CLVS1: variants seen among roughly 807,000 people sequenced by gnomAD.
CLVS1 encodes clavesin-1.
Under a neutral mutation model 33.1 loss-of-function variants are expected in CLVS1, and 10 were observed. The ratio of observed to expected loss-of-function variants is 0.30; its 90% CI spans 0.19 to 0.51. CLVS1 has a LOEUF of 0.51. CLVS1 is among the 20% of genes least tolerant of loss of function. The pLI is 0.97. For missense variants in CLVS1, 343 were observed against 433.4 expected, an observed-to-expected ratio of 0.79 and a Z score of 1.85; for synonymous variants, 163 against 166.1, an observed-to-expected ratio of 0.98 and a Z score of 0.14.
At chr8:61,433,849 G>A (rs749092971) in intron 3 of CLVS1, among the ~76,000 whole-genome samples, 54 of 152,238 alleles carry the variant, frequency 3.5e-4, no homozygotes, top group Admixed American at 1.5e-3. Context: ...AGGAAGTGGA[G>A]GTTGCAGTGA....
intron 2 of CLVS1, among the ~76,000 whole-genome samples, chr8:61,151,221 G>A (rs1051683564): frequency 4.6e-5 from 7 of 152,164 alleles, no homozygotes; most frequent in African/African-American, 1.7e-4. Context: ...TGAAAGGTAG[G>A]TACTGAAGTC....
rs141610702 is a variant in CLVS1, at chr8:61,123,698, A to C, written c.-242-8072A>C. Reference sequence around the variant, plus strand: ...GTCATTCTTTTGTGGAGTTTTGTACATTTCAGGTCAGTCGGTGTGCATGGA... The same window carrying C: ...GTCATTCTTTTGTGGAGTTTTGTACCTTTCAGGTCAGTCGGTGTGCATGGA... On this transcript the variant is annotated intron_variant, in intron 1 of 2. Transcript: ENST00000522621. Among the ~76,000 whole-genome samples the C allele has an allele frequency of 3.2e-3, 480 of 152,282 alleles. 3 individuals are homozygous for C. Among genetic ancestry groups the C allele is most frequent in the African/African-American group, 0.01 (423 of 41,554 alleles).
chr8:61,360,902 A>AT (rs1208135651), intron 2 of CLVS1, among the ~76,000 whole-genome samples: 6 of 152,212 alleles, frequency 3.9e-5, no homozygotes. Flanking sequence ...TAGATAATTT[A>AT]TTTAAAAAAA....
chr8:61,185,387 C>G (rs1461805952), intron 2 of CLVS1, among the ~76,000 whole-genome samples: 1 of 150,488 alleles, frequency 6.6e-6, no homozygotes, highest in Non-Finnish European at 1.5e-5. Context: ...CTCCTGGCTT[C>G]AAGCTATCCT....
rs143397757 is a variant in CLVS1 at position 61,227,581 on chromosome 8, T to C, written c.-151-72096T>C. Among the ~76,000 whole-genome samples, 220 of 152,298 alleles carry C rather than the reference T, an allele frequency of 1.4e-3. 1 individual carries two copies. Among genetic ancestry groups the C allele is most frequent in the Admixed American group, 3.8e-3 (58 of 15,288 alleles). ...TTCTTGTTTTAAATCTGCCAATAAATTTGTAGTTATTTCCCATAAATGTGA... is the reference window on the plus strand; with the variant it reads ...TTCTTGTTTTAAATCTGCCAATAAACTTGTAGTTATTTCCCATAAATGTGA... On this transcript the variant is annotated intron_variant, in intron 2 of 2. Transcript: ENST00000522621.
At chr8:61,145,132 CA>C (rs1400343952) in intron 2 of CLVS1, among the ~76,000 whole-genome samples, 1 of 152,106 alleles carries the variant, frequency 6.6e-6, no homozygotes, top group Non-Finnish European at 1.5e-5. Context: ...AAAGCTTCTG[CA>C]CAGCAAAAGA....
intron 2 of CLVS1, among the ~76,000 whole-genome samples, chr8:61,156,613 A>G (rs1806655290): frequency 6.6e-6 from 1 of 152,164 alleles, no homozygotes; most frequent in African/African-American, 2.4e-5. Flanking sequence ...AGCACTCAAT[A>G]TATATTTAAA....
intron 2 of CLVS1, among the ~76,000 whole-genome samples, chr8:61,373,875 A>G (rs1235517466): frequency 6.6e-6 from 1 of 152,212 alleles, no homozygotes; most frequent in Non-Finnish European, 1.5e-5. Context: ...ACTAGGTAGC[A>G]CTACTTCTAA....
intron 5 of CLVS1, among the ~76,000 whole-genome samples, chr8:61,488,918 T>C (rs1435328063): frequency 6.6e-6 from 1 of 152,170 alleles, no homozygotes. Flanking sequence ...AGCTGAACTG[T>C]GTTCTCAGTT....
At chr8:61,487,207 C>T (rs1803918482) in intron 5 of CLVS1, among the ~76,000 whole-genome samples, 1 of 152,128 alleles carries the variant, frequency 6.6e-6, no homozygotes, top group African/African-American at 2.4e-5. Context: ...TAGTCGTTTC[C>T]CACATTTCAG....
the CLVS1 span, among the ~76,000 whole-genome samples, chr8:60,992,551 G>C: frequency 6.6e-6 from 1 of 152,206 alleles, no homozygotes; most frequent in Non-Finnish European, 1.5e-5. Context: ...ACAAACATTT[G>C]TACTGGAGAG....
intron 2 of CLVS1, among the ~76,000 whole-genome samples, chr8:61,370,976 T>A (rs1276399060): frequency 1.3e-5 from 2 of 152,190 alleles, no homozygotes; most frequent in African/African-American, 4.8e-5. Flanking sequence ...GCAAGTGTCT[T>A]TTTCTTATAA....
chr8:61,478,959 C>T (rs1818072425), intron 5 of CLVS1, among the ~76,000 whole-genome samples: 1 of 152,230 alleles, frequency 6.6e-6, no homozygotes, highest in South Asian at 2.1e-4. Flanking sequence ...CGCTGTTAGT[C>T]TGATGGGCTT....
At chr8:61,486,012 G>C (rs1237489766) in intron 5 of CLVS1, among the ~76,000 whole-genome samples, 1 of 151,946 alleles carries the variant, frequency 6.6e-6, no homozygotes. Flanking sequence ...CGAGTTAATG[G>C]GTGCTGCATA....
chr8:61,314,172 C>CT (rs1332145061), intron 2 of CLVS1, among the ~76,000 whole-genome samples: 5 of 152,136 alleles, frequency 3.3e-5, no homozygotes, highest in African/African-American at 1.2e-4. Context: ...TTGTGAATGG[C>CT]TTTTTTGTAC....
At chr8:61,433,838 C>T (rs564207466) in intron 3 of CLVS1, among the ~76,000 whole-genome samples, 1 of 152,058 alleles carries the variant, frequency 6.6e-6, no homozygotes, top group Non-Finnish European at 1.5e-5. Flanking sequence ...TGCTTAAACC[C>T]AGGAAGTGGA....
At chr8:61,040,169 T>A in the CLVS1 span, among the ~76,000 whole-genome samples, 1 of 152,226 alleles carries the variant, frequency 6.6e-6, no homozygotes, top group Non-Finnish European at 1.5e-5. Flanking sequence ...GCAAAGGACA[T>A]AATTTCATTC....
intron 1 of CLVS1, among the ~76,000 whole-genome samples, chr8:61,108,832 G>A (rs1389267882): frequency 6.6e-6 from 1 of 152,214 alleles, no homozygotes; most frequent in African/African-American, 2.4e-5. Context: ...CAGCCCCACT[G>A]AGTCAGGGGC....
chr8:61,270,419 T>C (rs566435139), intron 2 of CLVS1, among the ~76,000 whole-genome samples: 50 of 152,348 alleles, frequency 3.3e-4, no homozygotes, highest in African/African-American at 1.2e-3. Context: ...ATTTTGCCAG[T>C]ATTTTATTGA....
Sources: gnomAD v4.1 joint callset for allele counts (sites outside exome capture counted in the v4.1 genomes callset) on GRCh38, gnomAD v4.1.1 for gene constraint, MANE v1.5 for transcripts, NCBI Gene and HGNC (gene_info 2026-07-23, HGNC 2026-07-21) for gene names.